Variants in CHD4 observed in about 807,000 individuals in gnomAD.
The protein encoded by CHD4 is ATP-dependent chromatin remodeler CHD4.
In CHD4, 35 loss-of-function variants were observed where a neutral mutation model predicts 235.5. That is an observed-to-expected ratio of 0.15 (90% CI 0.11 to 0.20). The LOEUF is 0.20. Among genes scored for constraint, CHD4 ranks in the 10% least tolerant of loss-of-function variants. The probability of loss-of-function intolerance (pLI) is 1.00; values close to 1 mark genes in which losing one functional copy is unlikely to be tolerated. For synonymous variants in CHD4, 900 were observed against 850.2 expected (o/e 1.06, Z -1.02); for missense variants, 1,329 against 2,432.3 (o/e 0.55, Z 9.54).
chr12:6,588,575 C>T (rs1193304016), intron 22 of CHD4, among the ~76,000 whole-genome samples, 153 bp from the exon 23 acceptor site: 2 of 152,092 alleles, frequency 1.3e-5, no homozygotes, highest in African/African-American at 2.4e-5. Context: ...ATCAGGAGTT[C>T]GAGACCAGCC....
rs750177796 is a variant in CHD4 at position 6,601,005 on chromosome 12, G to C, written c.848C>G (p.Ala283Gly). ...TACTTTCTTGGGTTTAGGCTTCTTG[G>C]CATCAGGTACACGAGGGCTGCCCTT... ...KPKGSPRVPD[A>G]KKPKPKKVAP... Residue 283 changes from alanine (A) to glycine (G), a missense_variant, in exon 7 of 40, where the codon GCC becomes GGC. Around this residue, in one of 26 missense-constraint regions of CHD4, gnomAD observed 160 missense variants for 196.6 expected, o/e 0.81. Transcript: ENST00000544040. The C allele has an allele frequency of 1.2e-6, 2 of 1,606,764 alleles. No individual in the cohort carries two copies. Among genetic ancestry groups the C allele is most frequent in the Admixed American group, 3.5e-5 (2 of 57,778 alleles).
In CHD4 at chr12:6,581,251, A is replaced by G. The variant is rs373615711; in HGVS notation, c.4779+40T>C. ...ACTAAAAGGAAGACTGGACTTACACATTTGTCTTTAGTATGGCATTCAGTC... is the reference window on the plus strand; with the variant it reads ...ACTAAAAGGAAGACTGGACTTACACGTTTGTCTTTAGTATGGCATTCAGTC... On this transcript the variant is annotated intron_variant, in intron 32 of 39. Coordinates refer to ENST00000544040, the MANE Select transcript of CHD4 (RefSeq NM_001273.5). 26 of 1,613,332 alleles carry G rather than the reference A, an allele frequency of 1.6e-5. No individual in the cohort carries two copies. The Middle Eastern group carries it at 8.2e-4, about 51-fold the overall frequency.
intron 10 of CHD4, among the ~76,000 whole-genome samples, chr12:6,598,681 C>T (rs1025500055): frequency 2.6e-5 from 4 of 152,114 alleles, no homozygotes; most frequent in South Asian, 2.1e-4. Flanking sequence ...TGGTGGCATG[C>T]GCCTGTAGTC....
At position 6,606,343 on chromosome 12, in the gene CHD4, A is replaced by AGGG; in HGVS notation, c.28_30dup (p.Pro10dup). The AGGG allele has an allele frequency of 1.3e-6, 2 of 1,572,214 alleles. No individual in the cohort carries two copies. The highest frequency in any genetic ancestry group is 1.7e-6 in the Non-Finnish European group (2 of 1,162,168). On this transcript the variant is annotated inframe_insertion, in exon 2 of 40. Coordinates refer to ENST00000544040, the MANE Select transcript of CHD4 (RefSeq NM_001273.5). Reference sequence around the variant, plus strand: ...TCCTCCTCCTCACTGCCCGCCGAGCAGGGGGACGGGGAGCCCAGGCCCGAC... The same window carrying AGGG: ...TCCTCCTCCTCACTGCCCGCCGAGCAGGGGGGGGACGGGGAGCCCAGGCCCGAC...
chr12:6,579,103 T>A, intron 33 of CHD4, 186 bp from the exon 34 acceptor site: 1 of 548,044 alleles, frequency 1.8e-6, no homozygotes, highest in Non-Finnish European at 3.3e-6. Flanking sequence ...TCACTTGAGG[T>A]CAGGAGTTCA....
rs1349218555 is a variant in CHD4 at position 6,582,264 on chromosome 12, A to G, written c.4388T>C (p.Phe1463Ser). Reference protein sequence around the residue: ...EKEFKAYVSLFMRHLCEPGAD... With the variant: ...EKEFKAYVSLSMRHLCEPGAD... ...CCCCGGCTCACATAAATGCCGCATGAAAAGAGAGACATATGCCCTGTGTAA... is the reference window on the plus strand; with the variant it reads ...CCCCGGCTCACATAAATGCCGCATGGAAAGAGAGACATATGCCCTGTGTAA... Residue 1463 changes from phenylalanine to serine, a missense_variant, in exon 30 of 40, where the codon TTC becomes TCC. Coordinates refer to ENST00000544040, the MANE Select transcript of CHD4 (RefSeq NM_001273.5). 1 of 1,592,690 alleles carries G rather than the reference A, an allele frequency of 6.3e-7. No homozygotes were observed. The highest frequency in any genetic ancestry group is 2.2e-5 in the East Asian group (1 of 44,596).
At chr12:6,573,624 T>C (rs887414997) in intron 37 of CHD4, among the ~76,000 whole-genome samples, 3 of 152,246 alleles carry the variant, frequency 2.0e-5, no homozygotes, top group African/African-American at 7.2e-5. Context: ...CATAGTTTTT[T>C]ACATAACTGA....
At position 6,570,397 on chromosome 12, in the gene CHD4, G is replaced by A. The variant is rs537546275; in HGVS notation, c.*279C>T. 4.0e-6 allele frequency: 2 copies of A among 496,248 alleles called. No individual in the cohort carries two copies. Among genetic ancestry groups the A allele is most frequent in the Non-Finnish European group, 7.2e-6 (2 of 279,050 alleles). The allele number at this position is 496,248 out of a possible 1,614,324, so 30.7% of individuals were successfully genotyped here. On this transcript the variant is annotated 3_prime_UTR_variant, in exon 40 of 40. Coordinates refer to ENST00000544040, the MANE Select transcript of CHD4 (RefSeq NM_001273.5). ...GGCAGGAACCCACAACAGTTTGTGT[G>A]TAACAGGCGTTACAGTGGGGAGAAG... is the stretch of plus-strand genomic sequence containing the variant.
At chr12:6,585,186 A>T (rs1948260940) in intron 25 of CHD4, among the ~76,000 whole-genome samples, 1 of 152,194 alleles carries the variant, frequency 6.6e-6, no homozygotes, top group African/African-American at 2.4e-5. Context: ...CATTTAGGAG[A>T]GAAAAACATT....
intron 22 of CHD4, among the ~76,000 whole-genome samples, chr12:6,589,635 C>T (rs1165561432): frequency 4.6e-5 from 7 of 151,220 alleles, no homozygotes; most frequent in Non-Finnish European, 7.4e-5. Context: ...GGCGTGGTGG[C>T]GGGTGCCTGT....
chr12:6,580,970 G>A (rs1055265215), intron 33 of CHD4, 74 bp downstream of exon 33: 1 of 1,552,858 alleles, frequency 6.4e-7, no homozygotes, highest in Non-Finnish European at 8.8e-7. Context: ...TCGCGCCACA[G>A]CACTCCAGCC....
At chr12:6,581,247 A>T in intron 32 of CHD4, 44 bp downstream of exon 32, 1 of 1,613,480 alleles carries the variant, frequency 6.2e-7, no homozygotes, top group Non-Finnish European at 8.5e-7. Context: ...GACTGGACTT[A>T]CACATTTGTC....
intron 22 of CHD4, among the ~76,000 whole-genome samples, chr12:6,590,921 G>A (rs1010926712): frequency 4.0e-5 from 6 of 151,372 alleles, no homozygotes; most frequent in African/African-American, 1.5e-4. Context: ...TCAGGAGATC[G>A]AGACCATCTT....
At chr12:6,602,558 C>T (rs2136226400) in intron 2 of CHD4, 61 bp from the exon 3 acceptor site, 2 of 1,589,672 alleles carry the variant, frequency 1.3e-6, no homozygotes, top group Non-Finnish European at 8.5e-7. Context: ...AGGTTAGGCC[C>T]TAATCCAGAG....
intron 19 of CHD4, 144 bp downstream of exon 19, chr12:6,592,249 C>A: frequency 7.9e-7 from 1 of 1,273,764 alleles, no homozygotes; most frequent in South Asian, 1.5e-5. Flanking sequence ...GAACTATGCG[C>A]TCCAGCGCCC....
Position 6,577,834 on chromosome 12 carries a change from C to T in CHD4, c.5312G>A (p.Arg1771His), listed in dbSNP as rs1357321435. The change falls in exon 37 of 40, where the codon CGT becomes CAT. Residue 1771 changes from arginine to histidine, a missense_variant. Transcript: ENST00000544040. Reference protein sequence around the residue: ...LNEPFKGEMNRGNFLEIKNKF... With the variant: ...LNEPFKGEMNHGNFLEIKNKF... ...ATTCTTGATCTCTAAGAAATTGCCACGGTTCATTTCACCCTTGAAAGGCTC... is the reference window on the plus strand; with the variant it reads ...ATTCTTGATCTCTAAGAAATTGCCATGGTTCATTTCACCCTTGAAAGGCTC... 1.2e-6 allele frequency: 2 copies of T among 1,614,210 alleles called. No individual in the cohort carries two copies. Among genetic ancestry groups the T allele is most frequent in the South Asian group, 1.1e-5 (1 of 91,086 alleles).
chr12:6,600,807 T>C, intron 7 of CHD4, 119 bp downstream of exon 7: 3 of 1,506,324 alleles, frequency 2.0e-6, no homozygotes, highest in Admixed American at 2.2e-5. Context: ...TCTCATCTTG[T>C]TCTGTGGGAA....
chr12:6,578,319 AGAG>A, intron 35 of CHD4, 87 bp downstream of exon 35: 1 of 1,488,070 alleles, frequency 6.7e-7, no homozygotes, highest in Non-Finnish European at 9.2e-7. Flanking sequence ...ACAGAGGTAA[AGAG>A]GTAAAGTCCC....
At chr12:6,594,961 G>A (rs1355112485) in intron 14 of CHD4, among the ~76,000 whole-genome samples, 1 of 152,106 alleles carries the variant, frequency 6.6e-6, no homozygotes, top group Non-Finnish European at 1.5e-5. Flanking sequence ...GTCCCTCTTA[G>A]ATTCATCTTT....
Sources: allele counts gnomAD v4.1 joint callset (sites outside exome capture counted in the v4.1 genomes callset), GRCh38; gene constraint gnomAD v4.1.1; regional missense constraint gnomAD v4.1.1; transcripts MANE v1.5; gene names NCBI Gene and HGNC (gene_info 2026-07-23, HGNC 2026-07-21).